FBXO28: variants seen among roughly 807,000 people sequenced by gnomAD.
The protein encoded by FBXO28 is F-box protein 28, also known as F-box only protein 28.
FBXO28 carries 8 observed loss-of-function variants against 38.1 expected under a neutral mutation model. That is an observed-to-expected ratio of 0.21 (90% CI 0.12 to 0.38). The LOEUF (loss-of-function observed/expected upper bound fraction) is 0.38, where lower values mean the gene tolerates loss of function less well. Ranked by LOEUF, FBXO28 falls within the 10% of genes least tolerant of loss-of-function variation. FBXO28 has a pLI of 1.00. For missense variants in FBXO28, 345 were observed against 460.6 expected (o/e 0.75, Z 2.30); for synonymous variants, 168 against 173.8 (o/e 0.97, Z 0.26).
chr1:224,143,887 C>T (rs1382195576), intron 3 of FBXO28, among the ~76,000 whole-genome samples: 4 of 148,584 alleles, frequency 2.7e-5, no homozygotes, highest in African/African-American at 7.5e-5. Flanking sequence ...TGGCTCACAC[C>T]GTAATCCCAG....
intron 3 of FBXO28, among the ~76,000 whole-genome samples, chr1:224,139,690 G>A (rs568740204): frequency 6.6e-6 from 1 of 152,062 alleles, no homozygotes; most frequent in Non-Finnish European, 1.5e-5. Flanking sequence ...GCAGTGAGCC[G>A]AGATTGCGCC....
chr1:224,134,331 A>G (rs1026279405), intron 3 of FBXO28, 119 bp downstream of exon 3: 13 of 930,888 alleles, frequency 1.4e-5, no homozygotes. Context: ...GTTTCTACTA[A>G]TGAATTTGTT....
chr1:224,153,331 C>T lies in FBXO28; in HGVS notation c.706C>T (p.Pro236Ser), dbSNP rs749533695. The T allele has an allele frequency of 6.3e-6, 10 of 1,575,944 alleles. No homozygotes were observed. Among genetic ancestry groups the T allele is most frequent in the African/African-American group, 1.4e-5 (1 of 73,194 alleles). The change falls in exon 4 of 5, where the codon CCT becomes TCT. Residue 236 changes from proline (P) to serine (S), a missense_variant. Transcript: ENST00000366862. Reference protein sequence around the residue: ...SDVSGRLMGSPPVPGPSAALT... With the variant: ...SDVSGRLMGSSPVPGPSAALT... ...TGTTTCTGGAAGACTCATGGGCTCT[C>T]CTCCAGGTATCTCTACTTTATAATC...
chr1:224,142,306 T>C (rs144236318), intron 3 of FBXO28, among the ~76,000 whole-genome samples: 368 of 148,960 alleles, frequency 2.5e-3, no homozygotes, highest in African/African-American at 8.5e-3. Context: ...GAGCTGAGAT[T>C]ATGCCATTGC....
At chr1:224,118,796 A>G (rs1656703926) in intron 1 of FBXO28, among the ~76,000 whole-genome samples, 1 of 152,210 alleles carries the variant, frequency 6.6e-6, no homozygotes, top group African/African-American at 2.4e-5. Flanking sequence ...GTCTGAAGAC[A>G]CCTTTACACT....
At chr1:224,151,464 T>A (rs1467211231) in intron 3 of FBXO28, among the ~76,000 whole-genome samples, 1 of 152,226 alleles carries the variant, frequency 6.6e-6, no homozygotes, top group Non-Finnish European at 1.5e-5. Context: ...ATCATCATAT[T>A]ATGCTGAGAG....
chr1:224,135,630 A>AAGAAAAAG (rs1553290015), intron 3 of FBXO28, among the ~76,000 whole-genome samples: 19 of 115,814 alleles, frequency 1.6e-4, no homozygotes, highest in East Asian at 7.3e-4. Flanking sequence ...AAAAAAAAAA[A>AAGAAAAAG]AAAAAGAAAA....
intron 3 of FBXO28, among the ~76,000 whole-genome samples, chr1:224,148,624 C>T (rs1239706528): frequency 6.0e-5 from 9 of 151,006 alleles, no homozygotes; most frequent in African/African-American, 1.5e-4. Context: ...ATCGCACCAC[C>T]GCACTCCAGC....
At chr1:224,135,367 A>G (rs538456137) in intron 3 of FBXO28, among the ~76,000 whole-genome samples, 11 of 152,166 alleles carry the variant, frequency 7.2e-5, no homozygotes, top group Admixed American at 1.3e-4. Context: ...CACAGTTATC[A>G]TAACTTCAAA....
chr1:224,115,899 A>G (rs1362168391), intron 1 of FBXO28, among the ~76,000 whole-genome samples: 2 of 152,120 alleles, frequency 1.3e-5, no homozygotes, highest in Admixed American at 6.6e-5. Flanking sequence ...TTTGTTGATC[A>G]TTTTACTATT....
intron 4 of FBXO28, among the ~76,000 whole-genome samples, chr1:224,155,994 T>C (rs776988479): frequency 9.9e-5 from 15 of 152,234 alleles, no homozygotes; most frequent in Non-Finnish European, 2.1e-4. Flanking sequence ...TGTTGGCTGG[T>C]CTGATGGAAA....
rs1255593839 is a variant in FBXO28 at position 224,158,783 on chromosome 1, G to C, written c.*1037G>C. 1.3e-5 allele frequency: 2 copies of C among 152,532 alleles called. No homozygotes were observed. Among genetic ancestry groups the C allele is most frequent in the Non-Finnish European group, 2.9e-5 (2 of 68,032 alleles). The allele number at this position is 152,532 out of a possible 1,614,324, so 9.4% of individuals were successfully genotyped here. A position where few individuals can be genotyped will look rare whatever the true frequency, so the allele number is the denominator to read the frequency against. On this transcript the variant is annotated 3_prime_UTR_variant, in exon 5 of 5. Transcript: ENST00000366862. ...GGTGAGTGAGTAGGGGACTCGACTT[G>C]CGGGATGCAGTTTTGCCATTGCAGC...
intron 1 of FBXO28, among the ~76,000 whole-genome samples, chr1:224,120,863 C>CAAA (rs5781347): frequency 8.4e-6 from 1 of 118,950 alleles, no homozygotes; most frequent in Admixed American, 8.2e-5. Context: ...AACTCCATCT[C>CAAA]AAAAAAAAAA....
chr1:224,133,474 T>A (rs1319207534), intron 2 of FBXO28, among the ~76,000 whole-genome samples: 2 of 152,194 alleles, frequency 1.3e-5, no homozygotes, highest in African/African-American at 4.8e-5. Context: ...ATCTAATTTC[T>A]TTGGTTCTAA....
intron 3 of FBXO28, among the ~76,000 whole-genome samples, chr1:224,149,572 A>C (rs748335615): frequency 1.2e-4 from 18 of 152,182 alleles, no homozygotes; most frequent in Non-Finnish European, 2.2e-4. Context: ...AATGTTAAAC[A>C]ATTAATATAC....
chr1:224,116,177 G>A (rs1656639653), intron 1 of FBXO28, among the ~76,000 whole-genome samples: 1 of 152,092 alleles, frequency 6.6e-6, no homozygotes, highest in African/African-American at 2.4e-5. Context: ...TGAGTAATGG[G>A]GAACTATTTT....
At chr1:224,126,079 T>C (rs1337737340) in intron 1 of FBXO28, among the ~76,000 whole-genome samples, 4 of 152,242 alleles carry the variant, frequency 2.6e-5, no homozygotes, top group African/African-American at 9.6e-5. Flanking sequence ...TGCCTTTGCA[T>C]ACACCATTAC....
chr1:224,127,657 T>G (rs965761717), intron 1 of FBXO28, among the ~76,000 whole-genome samples: 1 of 152,174 alleles, frequency 6.6e-6, no homozygotes, highest in Non-Finnish European at 1.5e-5. Flanking sequence ...CTGTAATCCC[T>G]GCACTTTGGG....
At chr1:224,150,811 T>G (rs931348825) in intron 3 of FBXO28, among the ~76,000 whole-genome samples, 1 of 152,196 alleles carries the variant, frequency 6.6e-6, no homozygotes, top group Non-Finnish European at 1.5e-5. Flanking sequence ...TGATAGAAAC[T>G]GTCACATTAC....
Sources: gnomAD v4.1 joint callset for allele counts (sites outside exome capture counted in the v4.1 genomes callset) on GRCh38, gnomAD v4.1.1 for gene constraint, MANE v1.5 for transcripts, NCBI Gene and HGNC (gene_info 2026-07-23, HGNC 2026-07-21) for gene names.